The following NKAIN2 variants were observed in gnomAD, a reference collection of about 807,000 sequenced individuals.
NKAIN2 encodes the protein sodium/potassium-transporting ATPase subunit beta-1-interacting protein 2.
A neutral mutation model predicts 32.6 loss-of-function variants in NKAIN2; 14 were observed. The observed-to-expected ratio is 0.43, with a 90% CI of 0.28 to 0.67. The LOEUF (loss-of-function observed/expected upper bound fraction) is 0.67. Among genes scored for constraint, NKAIN2 ranks in the 30% least tolerant of loss-of-function variants. NKAIN2 has a pLI of 0.17. For missense variants in NKAIN2, 198 were observed against 258.3 expected, an observed-to-expected ratio of 0.77 and a Z score of 1.60; for synonymous variants, 80 against 87.2, an observed-to-expected ratio of 0.92 and a Z score of 0.46.
chr6:124,298,052 T>G (rs868843752), intron 2 of NKAIN2, among the ~76,000 whole-genome samples: 7 of 152,310 alleles, frequency 4.6e-5, no homozygotes, highest in Middle Eastern at 6.8e-3. Context: ...TCAAATGTTA[T>G]CTATTATGTT....
rs922841679 is a variant in NKAIN2, at chr6:124,394,465, A to G, written c.273+39118A>G. Among the ~76,000 whole-genome samples the G allele has an allele frequency of 2.9e-5, 4 of 137,462 alleles. No individual in the cohort carries two copies. The East Asian group carries it at 6.2e-4, about 21-fold the overall frequency. 90.2% of individuals were successfully genotyped at this position (137,462 alleles called of 152,430 possible). ...AAAACAGAATCAATATGAGATAGAT[A>G]GATAGATAGATAGATAGATAGATAG... On this transcript the variant is annotated intron_variant, in intron 3 of 6. Coordinates refer to ENST00000368417, the MANE Select transcript of NKAIN2 (RefSeq NM_001040214.3).
chr6:124,810,441 C>T (rs1011356133), intron 5 of NKAIN2, among the ~76,000 whole-genome samples: 1 of 151,786 alleles, frequency 6.6e-6, no homozygotes, highest in Admixed American at 6.6e-5. Flanking sequence ...AATGAGAACA[C>T]ATGGACACAG....
chr6:124,033,062 G>C (rs997549503), intron 1 of NKAIN2, among the ~76,000 whole-genome samples: 1 of 152,052 alleles, frequency 6.6e-6, no homozygotes, highest in African/African-American at 2.4e-5. Context: ...ATAAAATGCT[G>C]AGCCAGAGGA....
intron 4 of NKAIN2, among the ~76,000 whole-genome samples, chr6:124,703,470 A>G (rs543097984): frequency 1.3e-5 from 2 of 152,118 alleles, no homozygotes; most frequent in African/African-American, 4.8e-5. Flanking sequence ...TAATTCACAC[A>G]TTTCTTGATT....
intron 3 of NKAIN2, among the ~76,000 whole-genome samples, chr6:124,448,814 T>C (rs756897623): frequency 4.6e-5 from 7 of 152,276 alleles, no homozygotes; most frequent in Admixed American, 6.5e-5. Flanking sequence ...TGCCTATGTA[T>C]AGTGAATAGA....
chr6:123,806,418 A>G (rs1773215869), intron 1 of NKAIN2, among the ~76,000 whole-genome samples: 1 of 152,092 alleles, frequency 6.6e-6, no homozygotes, highest in Non-Finnish European at 1.5e-5. Context: ...ATAGGGTGAA[A>G]TGATCACACC....
intron 2 of NKAIN2, among the ~76,000 whole-genome samples, chr6:124,312,412 C>A (rs1199025160): frequency 3.9e-5 from 6 of 152,316 alleles, no homozygotes; most frequent in Non-Finnish European, 1.5e-5. Context: ...GCCTCTGGAA[C>A]TTCTGACAGA....
At chr6:123,954,710 C>T (rs535608111) in intron 1 of NKAIN2, among the ~76,000 whole-genome samples, 11 of 152,170 alleles carry the variant, frequency 7.2e-5, no homozygotes, top group African/African-American at 2.6e-4. Flanking sequence ...TTACTCTGTC[C>T]CTCAGAACCT....
chr6:124,514,525 A>C (rs1489170844), intron 3 of NKAIN2, among the ~76,000 whole-genome samples: 1 of 152,200 alleles, frequency 6.6e-6, no homozygotes, highest in African/African-American at 2.4e-5. Context: ...CATTTCAATA[A>C]GTTCTTCATG....
chr6:124,408,472 GT>G (rs1271545937), intron 3 of NKAIN2, among the ~76,000 whole-genome samples: 3 of 152,164 alleles, frequency 2.0e-5, no homozygotes, highest in Non-Finnish European at 4.4e-5. Context: ...CCCATTGTTT[GT>G]TTTTGTCAGG....
intron 5 of NKAIN2, among the ~76,000 whole-genome samples, chr6:124,792,289 G>T (rs1276444146): frequency 2.0e-5 from 3 of 152,064 alleles, no homozygotes; most frequent in Non-Finnish European, 4.4e-5. Flanking sequence ...AACATCCAAA[G>T]ATAAATATCT....
intron 3 of NKAIN2, among the ~76,000 whole-genome samples, chr6:124,635,860 C>T (rs1783753786): frequency 6.6e-6 from 1 of 151,926 alleles, no homozygotes; most frequent in African/African-American, 2.4e-5. Flanking sequence ...TTCAAAATAC[C>T]ACATTTGGCC....
intron 1 of NKAIN2, among the ~76,000 whole-genome samples, chr6:123,866,015 T>C (rs2114257564): frequency 6.6e-6 from 1 of 152,326 alleles, no homozygotes; most frequent in South Asian, 2.1e-4. Context: ...CTTCCAAGGG[T>C]ACCCATGAAG....
intron 4 of NKAIN2, among the ~76,000 whole-genome samples, chr6:124,788,710 C>A (rs1582525432): frequency 6.6e-6 from 1 of 152,174 alleles, no homozygotes; most frequent in Middle Eastern, 3.4e-3. Flanking sequence ...GGGTCCCTCC[C>A]ACAACACATG....
chr6:124,247,078 C>T (rs1793448112), intron 1 of NKAIN2, among the ~76,000 whole-genome samples: 1 of 152,000 alleles, frequency 6.6e-6, no homozygotes, highest in Non-Finnish European at 1.5e-5. Context: ...CCTTCTCATA[C>T]TGCCTTCACT....
At chr6:124,523,522 G>T (rs1197846847) in intron 3 of NKAIN2, among the ~76,000 whole-genome samples, 2 of 151,250 alleles carry the variant, frequency 1.3e-5, no homozygotes, top group African/African-American at 2.4e-5. Flanking sequence ...GGAGAGAAAT[G>T]AAATAAATAT....
intron 2 of NKAIN2, among the ~76,000 whole-genome samples, chr6:124,299,173 C>T (rs1480137257): frequency 1.3e-5 from 2 of 152,172 alleles, no homozygotes; most frequent in Non-Finnish European, 2.9e-5. Context: ...GAGAAAGAAG[C>T]AGCAGCCACA....
intron 4 of NKAIN2, among the ~76,000 whole-genome samples, chr6:124,733,823 G>T (rs1260070330): frequency 6.6e-6 from 1 of 151,404 alleles, no homozygotes; most frequent in Non-Finnish European, 1.5e-5. Context: ...GTATATACAT[G>T]CATACATACA....
chr6:124,386,667 A>T (rs1399001569), intron 3 of NKAIN2, among the ~76,000 whole-genome samples: 1 of 152,092 alleles, frequency 6.6e-6, no homozygotes, highest in Admixed American at 6.6e-5. Flanking sequence ...GTCAATTGAG[A>T]TGTCTGTGGT....
Sources: allele counts gnomAD v4.1 joint callset (sites outside exome capture counted in the v4.1 genomes callset), GRCh38; gene constraint gnomAD v4.1.1; transcripts MANE v1.5; gene names NCBI Gene and HGNC (gene_info 2026-07-23, HGNC 2026-07-21).